Variants in DHX37 observed in about 807,000 individuals in gnomAD.
DHX37 encodes probable ATP-dependent RNA helicase DHX37.
DHX37 carries 52 observed loss-of-function variants against 134.3 expected under a neutral mutation model. The observed-to-expected ratio is 0.39, with a 90% CI of 0.31 to 0.49. DHX37 has a LOEUF of 0.49. Ranked by LOEUF, DHX37 falls within the 20% of genes least tolerant of loss-of-function variation. DHX37 has a pLI of 0.93. For missense variants in DHX37, 1,344 were observed against 1,580.8 expected (o/e 0.85, Z 2.54); for synonymous variants, 634 against 670.7 (o/e 0.95, Z 0.85).
chr12:124,960,525 A>C, intron 15 of DHX37, 102 bp from the exon 16 acceptor site: 42 of 1,512,124 alleles, frequency 2.8e-5, no homozygotes, highest in Non-Finnish European at 3.6e-5. Flanking sequence ...AACAAAACTC[A>C]GTCATGCCAC....
rs531807352 is a variant in DHX37, at chr12:124,947,808, G to A, written c.3468C>T (p.Val1156=). ...DIEKAWPPTT[V]H The stretch of plus-strand genomic sequence containing the variant: ...CCTGCAGCCAGGTTTCTGGTCAGTG[G>A]ACAGTGGTGGGGGGCCAGGCTTTCT... The change falls in exon 27 of 27, where the codon GTC becomes GTT. Residue 1156 remains valine (V), a synonymous_variant. Coordinates refer to ENST00000308736, the MANE Select transcript of DHX37 (RefSeq NM_032656.4). The A allele has an allele frequency of 3.2e-6, 5 of 1,580,624 alleles. No homozygotes were observed. The highest frequency in any genetic ancestry group is 4.3e-6 in the Non-Finnish European group (5 of 1,162,516).
intron 6 of DHX37, among the ~76,000 whole-genome samples, chr12:124,974,649 C>A (rs1269379749): frequency 6.6e-6 from 1 of 151,506 alleles, no homozygotes; most frequent in African/African-American, 2.4e-5. Flanking sequence ...GATTTTAGAC[C>A]ATGCTGGACA....
rs1380468336 is a variant in DHX37, at chr12:124,978,931, CA to C, written c.739-1442del. 7.2e-3 allele frequency among the ~76,000 whole-genome samples: 939 copies of C among 129,742 alleles called. 4 individuals are homozygous for C. Among genetic ancestry groups the C allele is most frequent in the African/African-American group, 0.013 (466 of 35,594 alleles). 85.1% of individuals were successfully genotyped at this position (129,742 alleles called of 152,430 possible). On this transcript the variant is annotated intron_variant, in intron 4 of 26. Coordinates refer to ENST00000308736, the MANE Select transcript of DHX37 (RefSeq NM_032656.4). ...TGGGTAACAGAACAAGACACTGTCTCAAAAAAAAAAAAAAGATTAAAAGCTA... is the reference window on the plus strand; with the variant it reads ...TGGGTAACAGAACAAGACACTGTCTCAAAAAAAAAAAAAGATTAAAAGCTA...
chr12:124,954,687 C>T (rs1027161985), intron 18 of DHX37, among the ~76,000 whole-genome samples: 9 of 152,148 alleles, frequency 5.9e-5, no homozygotes, highest in African/African-American at 2.2e-4. Flanking sequence ...CATGAGCCAC[C>T]GTGCCCGGCC....
chr12:124,968,090 A>T (rs5801582), intron 10 of DHX37, among the ~76,000 whole-genome samples: 12 of 151,624 alleles, frequency 7.9e-5, no homozygotes, highest in African/African-American at 1.5e-4. Flanking sequence ...CAAAAAAAAA[A>T]AGTCTGGCTG....
intron 1 of DHX37, among the ~76,000 whole-genome samples, chr12:124,988,539 G>A (rs1002245315): frequency 2.0e-5 from 3 of 152,178 alleles, no homozygotes; most frequent in Non-Finnish European, 1.5e-5. Context: ...CTAAAAAGGG[G>A]TCTGAGAGAA....
At chr12:124,967,073 G>A (rs372024938) in intron 11 of DHX37, 50 bp downstream of exon 11, 5 of 1,600,496 alleles carry the variant, frequency 3.1e-6, no homozygotes, top group Non-Finnish European at 4.3e-6. Context: ...GGAGCGCGAG[G>A]CCAAGCCCAG....
chr12:124,966,987 G>A (rs535437541), intron 11 of DHX37, 109 bp from the exon 12 acceptor site: 4 of 1,525,556 alleles, frequency 2.6e-6, no homozygotes, highest in East Asian at 2.3e-5. Flanking sequence ...CATTTATTCG[G>A]GGGTGAGGTG....
At position 124,956,735 on chromosome 12, in the gene DHX37, G is replaced by A. The variant is rs140027147; in HGVS notation, c.2409C>T (p.Ile803=). Residue 803 remains isoleucine, a synonymous_variant, in exon 18 of 27, where the codon ATC becomes ATT. Transcript: ENST00000308736. ...QHGCLPYAIT[I]VASMTVRELF... The stretch of plus-strand genomic sequence containing the variant: ...GCTCCCGCACCGTCATGCTGGCCAC[G>A]ATGGTGATGGCATAGGGCAGGCAGC... 34 of 1,599,416 alleles carry A rather than the reference G, an allele frequency of 2.1e-5. No homozygotes were observed. Among genetic ancestry groups the A allele is most frequent in the African/African-American group, 1.7e-4 (13 of 74,326 alleles).
chr12:124,962,265 C>A (rs1194985266), intron 15 of DHX37, among the ~76,000 whole-genome samples: 1 of 152,188 alleles, frequency 6.6e-6, no homozygotes, highest in Non-Finnish European at 1.5e-5. Flanking sequence ...GCTGGCCAGG[C>A]GTGGTGGTTC....
chr12:124,953,914 C>T lies in DHX37; in HGVS notation c.2661G>A (p.Glu887=), dbSNP rs772032982. 6 of 1,612,608 alleles carry T rather than the reference C, an allele frequency of 3.7e-6. No individual in the cohort carries two copies. The South Asian group carries it at 6.6e-5, about 18-fold the overall frequency. The part of the protein sequence containing the change: ...ANGLRYKAMM[E]IRRLRGQLTT... Reference sequence around the variant, plus strand: ...TCAGCTGGCCCCGCAGGCGCCGGATCTCCATCATGGCTTTGTACCGCAGCC... The same window carrying T: ...TCAGCTGGCCCCGCAGGCGCCGGATTTCCATCATGGCTTTGTACCGCAGCC... Residue 887 remains glutamate, a synonymous_variant, in exon 20 of 27, where the codon GAG becomes GAA. Transcript: ENST00000308736.
At chr12:124,988,151 G>A (rs1383913878) in intron 1 of DHX37, among the ~76,000 whole-genome samples, 2 of 151,820 alleles carry the variant, frequency 1.3e-5, no homozygotes, top group Non-Finnish European at 2.9e-5. Flanking sequence ...CCACCACCAC[G>A]CCTCCTCTGC....
chr12:124,969,662 A>G (rs952258884), intron 8 of DHX37, among the ~76,000 whole-genome samples: 2 of 152,116 alleles, frequency 1.3e-5, no homozygotes, highest in African/African-American at 4.8e-5. Context: ...GATGTCTAGA[A>G]TAACAGAAAT....
chr12:124,968,676 A>T (rs199669237), intron 9 of DHX37, 28 bp from the exon 10 acceptor site: 1 of 1,612,482 alleles, frequency 6.2e-7, no homozygotes, highest in Non-Finnish European at 8.5e-7. Context: ...AGGCATGGGG[A>T]GTGGGGGGGA....
At position 124,968,923 on chromosome 12, in the gene DHX37, C is replaced by T. The variant is rs748405438; in HGVS notation, c.1237G>A (p.Val413Met). Residue 413 changes from valine (V) to methionine (M), a missense_variant, in exon 9 of 27, where the codon GTG (valine) becomes ATG (methionine). This residue lies in a region of DHX37 where 289 missense variants were observed against 323.8 expected (regional missense o/e 0.89). Transcript: ENST00000308736. The part of the protein sequence containing the change: ...KLLIMSATLR[V>M]EDFTQNPRLF... ...CGTGGGTTCTGGGTGAAGTCCTCCA[C>T]CCGCAGCGTGGCCGACATGATGAGC... 6.2e-7 allele frequency: 1 copy of T among 1,614,122 alleles called. No homozygotes were observed. The highest frequency in any genetic ancestry group is 1.7e-5 in the Admixed American group (1 of 60,028).
intron 15 of DHX37, among the ~76,000 whole-genome samples, chr12:124,963,713 C>T (rs942272184): frequency 1.7e-5 from 2 of 115,436 alleles, no homozygotes; most frequent in Non-Finnish European, 3.8e-5. Context: ...ACTAAAAATA[C>T]AAAAAAAAAA....
intron 8 of DHX37, among the ~76,000 whole-genome samples, chr12:124,970,764 C>T (rs1422062035): frequency 6.6e-6 from 1 of 152,234 alleles, no homozygotes; most frequent in Non-Finnish European, 1.5e-5. Flanking sequence ...AGGCTCATGG[C>T]ACATGTGGAG....
chr12:124,949,958 A>G lies in DHX37; in HGVS notation c.3290+28T>C. ...TTCAGGCCTCGGACCCCTCCTGCCC[A>G]CTGCGAGGCTCCCACCGAAGGCAGT... On this transcript the variant is annotated intron_variant, in intron 25 of 26. Coordinates refer to ENST00000308736, the MANE Select transcript of DHX37 (RefSeq NM_032656.4). This position sits in a 1 kb window ranked among gnomAD's most constrained non-coding sequence, Gnocchi z 4.0. 6.3e-7 allele frequency: 1 copy of G among 1,589,306 alleles called. No homozygotes were observed. The highest frequency in any genetic ancestry group is 1.3e-5 in the African/African-American group (1 of 74,392).
chr12:124,987,951 A>AG (rs1184145257), intron 1 of DHX37, among the ~76,000 whole-genome samples: 1 of 144,326 alleles, frequency 6.9e-6, no homozygotes, highest in Non-Finnish European at 1.5e-5. Context: ...CAGAGATGTT[A>AG]GGGGATCTGC....
Sources: gnomAD v4.1 joint callset for allele counts (sites outside exome capture counted in the v4.1 genomes callset) on GRCh38, gnomAD v4.1.1 for gene constraint, gnomAD v4.1.1 regional missense constraint, Gnocchi (gnomAD v3.1) non-coding constraint, MANE v1.5 for transcripts, NCBI Gene and HGNC (gene_info 2026-07-23, HGNC 2026-07-21) for gene names.